Variants in SYPL1 observed in about 807,000 individuals in gnomAD.
SYPL1 encodes synaptophysin-like protein 1.
A neutral mutation model predicts 23.7 loss-of-function variants in SYPL1; 6 were observed. The ratio of observed to expected loss-of-function variants is 0.25; its 90% confidence interval spans 0.14 to 0.50. The LOEUF (loss-of-function observed/expected upper bound fraction) is 0.50, where lower values mean the gene tolerates loss of function less well. Ranked by LOEUF, SYPL1 falls within the 20% of genes least tolerant of loss-of-function variation. SYPL1 has a pLI of 0.98. For synonymous variants in SYPL1, 102 were observed against 104.5 expected (o/e 0.98, Z 0.15); for missense variants, 253 against 288.9 (o/e 0.88, Z 0.90).
At chr7:106,107,101 A>T (rs919794184) in intron 1 of SYPL1, among the ~76,000 whole-genome samples, 1 of 152,218 alleles carries the variant, frequency 6.6e-6, no homozygotes, top group Non-Finnish European at 1.5e-5. Context: ...TAGATATAAA[A>T]GTATATTATG....
intron 1 of SYPL1, among the ~76,000 whole-genome samples, chr7:106,105,739 CAT>C (rs940429240): frequency 7.2e-5 from 11 of 152,094 alleles, no homozygotes; most frequent in Admixed American, 5.9e-4. Flanking sequence ...CAGAAGGTCA[CAT>C]GTCAGTACAG....
chr7:106,092,821 C>T, intron 4 of SYPL1, 128 bp downstream of exon 4: 2 of 790,804 alleles, frequency 2.5e-6, no homozygotes, highest in Non-Finnish European at 1.9e-6. Flanking sequence ...TATATTGTTA[C>T]TAGAATTCAG....
At chr7:106,098,822 G>C (rs1840161869) in intron 2 of SYPL1, among the ~76,000 whole-genome samples, 1 of 152,128 alleles carries the variant, frequency 6.6e-6, no homozygotes, top group South Asian at 2.1e-4. Context: ...TTCTACATTA[G>C]GGCTTCTTAT....
Position 106,091,309 on chromosome 7 carries a change from TAAAC to T in SYPL1, c.*492_*495del, listed in dbSNP as rs1839718165. ...TTGCAATTAAAAAAAAATCATAACATAAACAATGTTAGATATAAATTTTGAACTC... is the reference window on the plus strand; with the variant it reads ...TTGCAATTAAAAAAAAATCATAACATAATGTTAGATATAAATTTTGAACTC... On this transcript the variant is annotated 3_prime_UTR_variant, in exon 5 of 5. Coordinates refer to ENST00000455385, the MANE Select transcript of SYPL1 (RefSeq NM_182715.4). This position sits in a 1 kb window ranked among gnomAD's most constrained non-coding sequence, Gnocchi z 5.0. 1.3e-5 allele frequency: 2 copies of T among 152,470 alleles called. No homozygotes were observed. The highest frequency in any genetic ancestry group is 2.4e-5 in the African/African-American group (1 of 41,430). 9.4% of individuals were successfully genotyped at this position (152,470 alleles called of 1,614,324 possible).
chr7:106,105,258 C>G (rs1840532675), intron 1 of SYPL1, among the ~76,000 whole-genome samples: 1 of 151,846 alleles, frequency 6.6e-6, no homozygotes, highest in African/African-American at 2.4e-5. Context: ...GTTTCCAACC[C>G]TAGTCTAAAA....
intron 1 of SYPL1, 58 bp from the exon 2 acceptor site, chr7:106,099,340 C>G (rs1205070796): frequency 6.4e-7 from 1 of 1,554,966 alleles, no homozygotes; most frequent in Non-Finnish European, 8.7e-7. Flanking sequence ...ATACTACAAC[C>G]AAAACAAGGG....
intron 1 of SYPL1, among the ~76,000 whole-genome samples, chr7:106,110,837 CATTTA>C (rs1243724272): frequency 6.6e-6 from 1 of 152,174 alleles, no homozygotes; most frequent in Admixed American, 6.5e-5. Flanking sequence ...ATTAGTTATA[CATTTA>C]ATTATAATCC....
At chr7:106,106,069 G>A (rs907792116) in intron 1 of SYPL1, among the ~76,000 whole-genome samples, 4 of 152,082 alleles carry the variant, frequency 2.6e-5, no homozygotes, top group African/African-American at 7.2e-5. Flanking sequence ...ATCACAAGAC[G>A]GTGGCACAAC....
chr7:106,092,756 A>AT lies in SYPL1; in HGVS notation c.591+192dup. Reference sequence around the variant, plus strand: ...GAAAGTCTCAGAGATGAATAAAATCATGATCTTGGTTACAGGTAATACTTT... The same window carrying AT: ...GAAAGTCTCAGAGATGAATAAAATCATTGATCTTGGTTACAGGTAATACTTT... On this transcript the variant is annotated intron_variant, in intron 4 of 4. Coordinates refer to ENST00000455385, the MANE Select transcript of SYPL1 (RefSeq NM_182715.4). 2.0e-5 allele frequency: 12 copies of AT among 610,912 alleles called. No individual in the cohort carries two copies. In the Admixed American group the frequency reaches 3.6e-4, roughly 18 times the overall value. The allele number at this position is 610,912 out of a possible 1,614,324, so 37.8% of individuals were successfully genotyped here.
upstream of SYPL1, chr7:106,112,465 T>C: frequency 6.7e-7 from 1 of 1,488,618 alleles, no homozygotes; most frequent in Non-Finnish European, 8.9e-7. Context: ...GGGAGGCTTC[T>C]CCTCAGGCCG....
chr7:106,106,547 G>A (rs2116190307), intron 1 of SYPL1, among the ~76,000 whole-genome samples: 1 of 141,118 alleles, frequency 7.1e-6, no homozygotes, highest in Admixed American at 7.0e-5. Flanking sequence ...GTAAGACTCT[G>A]TCTCAAAAAA....
intron 1 of SYPL1, among the ~76,000 whole-genome samples, chr7:106,103,183 G>A (rs1006916995): frequency 3.3e-5 from 5 of 152,134 alleles, no homozygotes; most frequent in African/African-American, 4.8e-5. Flanking sequence ...AAATACCATA[G>A]TATATTCTTA....
upstream of SYPL1, chr7:106,112,437 C>A: frequency 2.0e-6 from 2 of 1,022,114 alleles, no homozygotes; most frequent in Non-Finnish European, 1.3e-6. Flanking sequence ...AGGCGAGGGG[C>A]GGGCCGGGGC....
chr7:106,102,468 T>C (rs1840379578), intron 1 of SYPL1, among the ~76,000 whole-genome samples: 1 of 152,194 alleles, frequency 6.6e-6, no homozygotes, highest in African/African-American at 2.4e-5. Flanking sequence ...CCAGTGGCCA[T>C]GTTGGGAGGA....
chr7:106,097,120 T>C lies in SYPL1; in HGVS notation c.402+570A>G, dbSNP rs573580774. Among the ~76,000 whole-genome samples the C allele has an allele frequency of 1.8e-3, 272 of 152,254 alleles. 1 individual carries two copies. The highest frequency in any genetic ancestry group is 6.2e-3 in the African/African-American group (258 of 41,544). ...AGTCCCAGCTACTCAGGAGGATCAT[T>C]TGAGCCCAGGAGGTTGAGGCTGCAG... On this transcript the variant is annotated intron_variant, in intron 3 of 4. Coordinates refer to ENST00000455385, the MANE Select transcript of SYPL1 (RefSeq NM_182715.4). This position sits in a 1 kb window ranked among gnomAD's most constrained non-coding sequence, Gnocchi z 4.6.
rs1000844049 is a variant in SYPL1, at chr7:106,109,129, C to G, written c.69+3011G>C. Among the ~76,000 whole-genome samples the G allele has an allele frequency of 6.6e-6, 1 of 152,208 alleles. No homozygotes were observed. Among genetic ancestry groups the G allele is most frequent in the Non-Finnish European group, 1.5e-5 (1 of 68,038 alleles). On this transcript the variant is annotated intron_variant, in intron 1 of 4. Coordinates refer to ENST00000455385, the MANE Select transcript of SYPL1 (RefSeq NM_182715.4). The surrounding 1 kb of genome is among the most constrained non-coding windows in gnomAD (Gnocchi z 4.3). ...TTTATTAAACCTTGACCCTTGAGTT[C>G]TCTTGTCAGTAGGATAAAATGGGAA...
intron 1 of SYPL1, among the ~76,000 whole-genome samples, chr7:106,102,704 A>C (rs1282712041): frequency 6.6e-6 from 1 of 152,218 alleles, no homozygotes; most frequent in Non-Finnish European, 1.5e-5. Context: ...GACCCACAGA[A>C]GAATGGGTGA....
Position 106,097,053 on chromosome 7 carries a change from A to G in SYPL1, c.402+637T>C, listed in dbSNP as rs1840050055. 6.6e-6 allele frequency among the ~76,000 whole-genome samples: 1 copy of G among 152,212 alleles called. No homozygotes were observed. The highest frequency in any genetic ancestry group is 1.9e-4 in the East Asian group (1 of 5,194). On this transcript the variant is annotated intron_variant, in intron 3 of 4. Coordinates refer to ENST00000455385, the MANE Select transcript of SYPL1 (RefSeq NM_182715.4). The surrounding 1 kb of genome is among the most constrained non-coding windows in gnomAD (Gnocchi z 4.6). ...AACATGGTAAAACTTCGTCTTTACA[A>G]AAATACACAAAAAGTAACTGAGTAT... is the stretch of plus-strand genomic sequence containing the variant.
chr7:106,112,345 C>T (rs1790214653), upstream of SYPL1: 1 of 848,956 alleles, frequency 1.2e-6, no homozygotes, highest in Admixed American at 6.3e-5. Flanking sequence ...CCCGGGCGGC[C>T]GTGGGGCGGG....
Sources: allele counts gnomAD v4.1 joint callset (sites outside exome capture counted in the v4.1 genomes callset), GRCh38; gene constraint gnomAD v4.1.1; non-coding constraint Gnocchi (gnomAD v3.1); transcripts MANE v1.5; gene names NCBI Gene and HGNC (gene_info 2026-07-23, HGNC 2026-07-21).